Variants in FAM120B observed in about 807,000 individuals in gnomAD.
FAM120B encodes constitutive coactivator of peroxisome proliferator-activated receptor gamma.
In FAM120B, 83 loss-of-function variants were observed where a neutral mutation model predicts 96.3. The observed-to-expected ratio is 0.86, with a 90% CI of 0.72 to 1.03. The LOEUF (loss-of-function observed/expected upper bound fraction) is 1.03. Among genes scored for constraint, FAM120B ranks in the 50% least tolerant of loss-of-function variants. The pLI is 0.00. For synonymous variants in FAM120B, 407 were observed against 402.7 expected, an observed-to-expected ratio of 1.01 and a Z score of -0.13; for missense variants, 1,027 against 1,121.2, an observed-to-expected ratio of 0.92 and a Z score of 1.20.
chr6:170,307,468 G>T (rs1244433983), intron 1 of FAM120B, among the ~76,000 whole-genome samples: 1 of 152,136 alleles, frequency 6.6e-6, no homozygotes, highest in African/African-American at 2.4e-5. Flanking sequence ...TGCCCAGGAG[G>T]GTCCAGGAAA....
intron 6 of FAM120B, among the ~76,000 whole-genome samples, chr6:170,365,728 C>A (rs1470366074): frequency 4.0e-5 from 6 of 151,646 alleles, no homozygotes; most frequent in Non-Finnish European, 8.8e-5. Context: ...CCCCCTCCCC[C>A]CTGCCAGGCT....
chr6:170,366,160 C>T (rs368080210), intron 6 of FAM120B, among the ~76,000 whole-genome samples: 2 of 152,326 alleles, frequency 1.3e-5, no homozygotes, highest in East Asian at 1.9e-4. Flanking sequence ...TTCTCTGCAG[C>T]TGTTGGGAGG....
chr6:170,374,209 C>T (rs1360765673), intron 6 of FAM120B, among the ~76,000 whole-genome samples: 5 of 152,226 alleles, frequency 3.3e-5, no homozygotes, highest in African/African-American at 4.8e-5. Context: ...CCTACTGGCT[C>T]CTCGCCCCTC....
upstream of FAM120B, among the ~76,000 whole-genome samples, chr6:170,304,164 T>C (rs553550051): frequency 1.6e-4 from 24 of 152,354 alleles, no homozygotes; most frequent in Non-Finnish European, 2.8e-4. Flanking sequence ...TCTGAAAATA[T>C]CTACATCCTA....
upstream of FAM120B, among the ~76,000 whole-genome samples, chr6:170,293,163 T>TC (rs1339140948): frequency 6.6e-6 from 1 of 152,058 alleles, no homozygotes; most frequent in Non-Finnish European, 1.5e-5. Context: ...CAGGAGCTGT[T>TC]CCCTGTGCTG....
intron 6 of FAM120B, among the ~76,000 whole-genome samples, chr6:170,378,027 T>G (rs1789670745): frequency 6.6e-6 from 1 of 152,208 alleles, no homozygotes; most frequent in African/African-American, 2.4e-5. Flanking sequence ...CAGTCAGCCC[T>G]TTCAAGCTAT....
At chr6:170,354,151 G>C (rs986109211) in intron 5 of FAM120B, among the ~76,000 whole-genome samples, 5 of 152,126 alleles carry the variant, frequency 3.3e-5, no homozygotes, top group African/African-American at 1.2e-4. Context: ...TGACAAACTT[G>C]ACAAAAATAA....
intron 2 of FAM120B, among the ~76,000 whole-genome samples, chr6:170,320,422 A>C (rs1024212109): frequency 6.6e-6 from 1 of 152,224 alleles, no homozygotes; most frequent in Non-Finnish European, 1.5e-5. Context: ...CATTGTAGTA[A>C]CTCAGGTAAA....
chr6:170,366,873 C>T (rs996119794), intron 6 of FAM120B, among the ~76,000 whole-genome samples: 2 of 152,142 alleles, frequency 1.3e-5, no homozygotes, highest in African/African-American at 2.4e-5. Context: ...TGCCCAGCCT[C>T]GGATAAGCTC....
chr6:170,357,996 G>A (rs1035646469), intron 5 of FAM120B, among the ~76,000 whole-genome samples: 3 of 150,706 alleles, frequency 2.0e-5, no homozygotes, highest in African/African-American at 7.3e-5. Context: ...GTGTACACCT[G>A]TGTGTGTACA....
chr6:170,391,149 G>C, intron 8 of FAM120B, 28 bp downstream of exon 8: 1 of 1,506,596 alleles, frequency 6.6e-7, no homozygotes, highest in Non-Finnish European at 9.2e-7. Flanking sequence ...GCCTCTAGAA[G>C]CCCCACAAGC....
intron 9 of FAM120B, among the ~76,000 whole-genome samples, chr6:170,401,736 A>G (rs1280006703): frequency 6.6e-6 from 1 of 152,208 alleles, no homozygotes; most frequent in African/African-American, 2.4e-5. Context: ...ACTCAAAGGA[A>G]ATGCTCCTTG....
chr6:170,305,793 G>C (rs1362499081), upstream of FAM120B, among the ~76,000 whole-genome samples: 1 of 152,194 alleles, frequency 6.6e-6, no homozygotes, highest in Non-Finnish European at 1.5e-5. Flanking sequence ...GCAGCTAGAG[G>C]GGTGGACTTG....
intron 6 of FAM120B, among the ~76,000 whole-genome samples, chr6:170,358,614 T>C (rs1368036957): frequency 6.6e-6 from 1 of 152,224 alleles, no homozygotes; most frequent in South Asian, 2.1e-4. Context: ...ATAAACCTTA[T>C]TAATTTCTGG....
chr6:170,341,356 C>T (rs113534610), intron 4 of FAM120B, among the ~76,000 whole-genome samples: 26 of 152,308 alleles, frequency 1.7e-4, no homozygotes, highest in African/African-American at 5.8e-4. Flanking sequence ...CCACCAAGCT[C>T]GATCGTCCCA....
Position 170,371,497 on chromosome 6 carries a change from T to C in FAM120B, c.2283+13179T>C, listed in dbSNP as rs531259230. ...CCCTCGGATGTTAGTAACTAAAGCT[T>C]TTCTGTTTTTTTGATATGTACCTTT... On this transcript the variant is annotated intron_variant, in intron 6 of 10. Transcript: ENST00000476287. Among the ~76,000 whole-genome samples, 3 of 152,356 alleles carry C rather than the reference T, an allele frequency of 2.0e-5. No homozygotes were observed. In the South Asian group the frequency reaches 6.2e-4, roughly 32 times the overall value.
Position 170,395,486 on chromosome 6 carries a change from G to T in FAM120B, c.2600-1G>T. 6.3e-7 allele frequency: 1 copy of T among 1,587,280 alleles called. No homozygotes were observed. The highest frequency in any genetic ancestry group is 2.3e-5 in the East Asian group (1 of 43,650). ...AATCTTCTGACTATGTGTTCCCACAGGGAGGTGGGGAAGACAGGGCTCCAG... is the reference window on the plus strand; with the variant it reads ...AATCTTCTGACTATGTGTTCCCACATGGAGGTGGGGAAGACAGGGCTCCAG... On this transcript the variant is annotated splice_acceptor_variant, in intron 8 of 10. Coordinates refer to ENST00000476287, the MANE Select transcript of FAM120B (RefSeq NM_032448.3). LOFTEE classifies it high-confidence loss of function.
upstream of FAM120B, among the ~76,000 whole-genome samples, chr6:170,292,387 C>G (rs533448689): frequency 5.9e-5 from 9 of 152,312 alleles, no homozygotes; most frequent in East Asian, 1.5e-3. This position sits in a 1 kb window ranked among gnomAD's most constrained non-coding sequence, Gnocchi z 6.6. Context: ...ACTTCTCCCT[C>G]TCTTTACCAT....
At chr6:170,371,136 C>A (rs571454024) in intron 6 of FAM120B, among the ~76,000 whole-genome samples, 1 of 152,116 alleles carries the variant, frequency 6.6e-6, no homozygotes, top group Non-Finnish European at 1.5e-5. Context: ...TGCAGTCTCC[C>A]TCCCCCCAGC....
Sources: gnomAD v4.1 joint callset for allele counts (sites outside exome capture counted in the v4.1 genomes callset) on GRCh38, gnomAD v4.1.1 for gene constraint, Gnocchi (gnomAD v3.1) non-coding constraint, MANE v1.5 for transcripts, NCBI Gene and HGNC (gene_info 2026-07-23, HGNC 2026-07-21) for gene names.